DMD: variants seen among roughly 807,000 people sequenced by gnomAD.
The protein encoded by DMD is mutant dystrophin.
DMD carries 63 observed loss-of-function variants against 330.1 expected under a neutral mutation model. The ratio of observed to expected loss-of-function variants is 0.19; its 90% confidence interval spans 0.16 to 0.24. DMD has a LOEUF of 0.24. DMD is among the 10% of genes least tolerant of loss of function. DMD has a pLI of 1.00. For synonymous variants in DMD, 1,223 were observed against 959.8 expected, an observed-to-expected ratio of 1.27 and a Z score of -5.07; for missense variants, 3,344 against 2,684.1, an observed-to-expected ratio of 1.25 and a Z score of -5.43.
chrX:31,127,341 C>T (rs977380932), intron 77 of DMD, among the ~76,000 whole-genome samples: 1 of 111,627 alleles, frequency 9.0e-6, no homozygotes, highest in African/African-American at 3.3e-5. Context: ...AGGAGCCTTA[C>T]GAGGCAATGG....
At chrX:31,787,518 G>A (rs991115189) in intron 50 of DMD, among the ~76,000 whole-genome samples, 2 of 111,878 alleles carry the variant, frequency 1.8e-5, no homozygotes, top group African/African-American at 6.5e-5. Context: ...CACTCCTTGG[G>A]TATATTTGAG....
chrX:32,092,598 A>G (rs2096482064), intron 44 of DMD, among the ~76,000 whole-genome samples: 1 of 110,940 alleles, frequency 9.0e-6, no homozygotes, highest in Non-Finnish European at 1.9e-5. Flanking sequence ...GTGATGATGT[A>G]ACATTGGATG....
At chrX:32,062,740 T>A (rs1278153236) in intron 44 of DMD, among the ~76,000 whole-genome samples, 1 of 111,351 alleles carries the variant, frequency 9.0e-6, no homozygotes, top group Non-Finnish European at 1.9e-5. Context: ...TTTGGATGAA[T>A]GTTTTAAATA....
intron 1 of DMD, among the ~76,000 whole-genome samples, chrX:33,136,074 G>GAAGGCC (rs2148560625): frequency 9.0e-6 from 1 of 110,747 alleles, no homozygotes; most frequent in Admixed American, 9.6e-5. Context: ...CAGCACTTTG[G>GAAGGCC]AAGGCCAAGG....
At chrX:32,210,376 C>T (rs1405938598) in intron 44 of DMD, among the ~76,000 whole-genome samples, 3 of 111,272 alleles carry the variant, frequency 2.7e-5, no homozygotes. Context: ...ATGAATTATT[C>T]TTAACGTTAG....
intron 16 of DMD, among the ~76,000 whole-genome samples, chrX:32,559,430 A>C (rs187100215): frequency 8.9e-6 from 1 of 111,877 alleles, no homozygotes; most frequent in East Asian, 2.8e-4. Flanking sequence ...CATCAGGCTT[A>C]CTAGTCGTGG....
At chrX:32,547,464 T>C (rs1240659758) in intron 16 of DMD, among the ~76,000 whole-genome samples, 1 of 110,951 alleles carries the variant, frequency 9.0e-6, no homozygotes, top group African/African-American at 3.3e-5. Context: ...TATATAATAA[T>C]CACTACTACA....
intron 54 of DMD, among the ~76,000 whole-genome samples, chrX:31,630,067 A>G (rs2079055372): frequency 8.9e-6 from 1 of 112,198 alleles, no homozygotes; most frequent in Admixed American, 9.4e-5. Flanking sequence ...TAGCTCCTCT[A>G]TCCTTAAACT....
chrX:31,356,819 C>T (rs894216840), intron 60 of DMD, among the ~76,000 whole-genome samples: 5 of 111,232 alleles, frequency 4.5e-5, no homozygotes, highest in African/African-American at 1.6e-4. Flanking sequence ...AGCAATCAAC[C>T]TCCTATCCTG....
At chrX:32,564,369 A>T (rs1417682505) in intron 16 of DMD, among the ~76,000 whole-genome samples, 1 of 111,725 alleles carries the variant, frequency 9.0e-6, no homozygotes, top group African/African-American at 3.3e-5. Context: ...TGGCAGCAAT[A>T]ATCTGTGGAA....
intron 44 of DMD, among the ~76,000 whole-genome samples, chrX:32,074,455 G>A (rs761399778): frequency 4.5e-5 from 5 of 112,174 alleles, no homozygotes; most frequent in Non-Finnish European, 9.4e-5. Context: ...GTGACAACTC[G>A]CATTTGCTGC....
chrX:32,373,775 T>G (rs1235146990), intron 34 of DMD, among the ~76,000 whole-genome samples: 2 of 111,781 alleles, frequency 1.8e-5, no homozygotes, highest in South Asian at 7.5e-4. Flanking sequence ...TTAGGCATTC[T>G]TCTCTATTAG....
chrX:32,408,036 A>T (rs1287340871), intron 30 of DMD, among the ~76,000 whole-genome samples: 3 of 108,637 alleles, frequency 2.8e-5, no homozygotes, highest in Non-Finnish European at 5.7e-5. Context: ...TGACGAGTTA[A>T]TGGGTGTAGC....
chrX:31,434,418 G>GCGCACACA (rs1195150508), intron 60 of DMD, among the ~76,000 whole-genome samples: 4 of 78,063 alleles, frequency 5.1e-5, no homozygotes, highest in African/African-American at 1.3e-4. Flanking sequence ...CAGCGCGCGC[G>GCGCACACA]CACACACACA....
chrX:32,998,838 T>C (rs1335326568), intron 2 of DMD, among the ~76,000 whole-genome samples: 1 of 112,048 alleles, frequency 8.9e-6, no homozygotes, highest in East Asian at 2.8e-4. Flanking sequence ...ATGTATGACT[T>C]TATTCTAACA....
At chrX:33,286,206 T>G (rs190152729) in intron 1 of DMD, among the ~76,000 whole-genome samples, 1 of 112,006 alleles carries the variant, frequency 8.9e-6, no homozygotes, top group East Asian at 2.8e-4. Context: ...CAACAATAGC[T>G]TTTATAAAAA....
Position 32,252,683 on chromosome X carries a change from TAA to T in DMD, c.6290+34844_6290+34845del, listed in dbSNP as rs1491139218. Among the ~76,000 whole-genome samples, 425 of 53,103 alleles carry T rather than the reference TAA, an allele frequency of 8.0e-3. 17 individuals are homozygous for T. The highest frequency in any genetic ancestry group is 0.026 in the African/African-American group (305 of 11,930). 46.1% of individuals were successfully genotyped at this position (53,103 alleles called of 115,157 possible). The stretch of plus-strand genomic sequence containing the variant: ...ATATAAATATATATATATAAATATA[TAA>T]ATATATATATAAATATATATAAATA... On this transcript the variant is annotated intron_variant, in intron 43 of 78. Transcript: ENST00000357033.
At chrX:31,403,025 C>T (rs1044369272) in intron 60 of DMD, among the ~76,000 whole-genome samples, 5 of 111,230 alleles carry the variant, frequency 4.5e-5, no homozygotes, top group African/African-American at 1.6e-4. Context: ...CCTCCTAGTA[C>T]AATTGGAAAA....
chrX:32,508,628 T>A (rs978932566), intron 18 of DMD, among the ~76,000 whole-genome samples: 24 of 110,831 alleles, frequency 2.2e-4, no homozygotes, highest in African/African-American at 7.9e-4. Context: ...CTGAGGGGAT[T>A]AAAGGAAGCT....
Sources: gnomAD v4.1 joint callset for allele counts (sites outside exome capture counted in the v4.1 genomes callset) on GRCh38, gnomAD v4.1.1 for gene constraint, MANE v1.5 for transcripts, NCBI Gene and HGNC (gene_info 2026-07-23, HGNC 2026-07-21) for gene names.